The following AP3B2 variants were observed in gnomAD, a reference collection of about 807,000 sequenced individuals.
AP3B2 encodes the protein adaptor related protein complex 3 subunit beta 2.
In AP3B2, 50 loss-of-function variants were observed where a neutral mutation model predicts 126.9. The observed-to-expected ratio is 0.39, with a 90% CI of 0.31 to 0.50. AP3B2 has a LOEUF of 0.50. Among genes scored for constraint, AP3B2 ranks in the 20% least tolerant of loss-of-function variants. AP3B2 has a pLI of 0.79. For missense variants in AP3B2, 1,177 were observed against 1,426.4 expected (o/e 0.83, Z 2.82); for synonymous variants, 541 against 565.0 (o/e 0.96, Z 0.60).
intron 1 of AP3B2, chr15:82,699,375 A>G: frequency 1.0e-5 from 3 of 292,476 alleles, no homozygotes; most frequent in Middle Eastern, 9.4e-4. Context: ...TCAAGGTGGG[A>G]CCTCAACCCT....
Position 82,665,264 on chromosome 15 carries a change from A to G in AP3B2, c.2011T>C (p.Leu671=), listed in dbSNP as rs9806591. ...LSLIETHVGL[L]GEYTEVPEWT... is the part of the protein sequence containing the mutation. ...GGTGGGACCTCAGTGTATTCGCCCA[A>G]CAGGCCCACGTGAGTCTCAATAAGG... The change falls in exon 17 of 27, where the codon TTG becomes CTG. Residue 671 remains leucine (L), a synonymous_variant. Coordinates refer to ENST00000535359, the MANE Select transcript of AP3B2 (RefSeq NM_001278512.2). The surrounding 1 kb of genome is among the most constrained non-coding windows in gnomAD (Gnocchi z 4.4). 0.038 allele frequency: 58,454 copies of G among 1,540,976 alleles called. 1,667 individuals carry two copies. Among genetic ancestry groups the G allele is most frequent in the African/African-American group, 0.13 (9,191 of 73,272 alleles).
chr15:82,707,596 G>C (rs1445504424), intron 1 of AP3B2, among the ~76,000 whole-genome samples: 1 of 149,830 alleles, frequency 6.7e-6, no homozygotes, highest in East Asian at 2.0e-4. Flanking sequence ...CAAACTGCCA[G>C]TCTTAACTCC....
At chr15:82,671,479 C>T (rs1055860103) in intron 14 of AP3B2, among the ~76,000 whole-genome samples, 8 of 152,146 alleles carry the variant, frequency 5.3e-5, no homozygotes, top group African/African-American at 1.7e-4. Flanking sequence ...TGGCTCACAC[C>T]TGTAATCCCA....
In AP3B2 at chr15:82,677,826, C is replaced by G. The variant is rs758327279; in HGVS notation, c.1246-23G>C. 1.0e-5 allele frequency: 16 copies of G among 1,569,540 alleles called. No homozygotes were observed. In the African/African-American group the frequency reaches 2.0e-4, roughly 20 times the overall value. On this transcript the variant is annotated intron_variant, in intron 11 of 26. Coordinates refer to ENST00000535359, the MANE Select transcript of AP3B2 (RefSeq NM_001278512.2). Reference sequence around the variant, plus strand: ...GGTCTGTGGGATATGACAAAGAAATCCCTCAGTGACTCTGCAGGCTTGAGG... The same window carrying G: ...GGTCTGTGGGATATGACAAAGAAATGCCTCAGTGACTCTGCAGGCTTGAGG...
chr15:82,692,179 T>C (rs2151452580), intron 1 of AP3B2: 5 of 1,463,016 alleles, frequency 3.4e-6, no homozygotes, highest in Non-Finnish European at 4.7e-6. Context: ...CTTCCATAAA[T>C]AGCATCCTCT....
chr15:82,681,342 G>T lies in AP3B2; in HGVS notation c.521+78C>A, dbSNP rs2048337446. ...AAACCCTCTGAGAAGCAGCAGGCAA[G>T]ACTTAGGAAAGGCCAGGGGTGGGTT... On this transcript the variant is annotated intron_variant, in intron 5 of 26. Transcript: ENST00000535359. The surrounding 1 kb of genome is among the most constrained non-coding windows in gnomAD (Gnocchi z 4.0). 61 of 1,580,706 alleles carry T rather than the reference G, an allele frequency of 3.9e-5. No homozygotes were observed. In the South Asian group the frequency reaches 7.0e-4, roughly 18 times the overall value.
chr15:82,680,905 C>T lies in AP3B2; in HGVS notation c.703G>A (p.Gly235Ser), dbSNP rs769906805. The T allele has an allele frequency of 1.2e-6, 2 of 1,613,900 alleles. No homozygotes were observed. The highest frequency in any genetic ancestry group is 1.7e-6 in the Non-Finnish European group (2 of 1,179,872). Residue 235 changes from glycine to serine, a missense_variant, in exon 7 of 27, where the codon GGC becomes AGC. Gly to Ser is a moderately conservative substitution (Grantham distance 56, BLOSUM62 0). Around this residue, in one of 5 missense-constraint regions of AP3B2, gnomAD observed 103 missense variants for 101.4 expected, o/e 1.02. Coordinates refer to ENST00000535359, the MANE Select transcript of AP3B2 (RefSeq NM_001278512.2). This position sits in a 1 kb window ranked among gnomAD's most constrained non-coding sequence, Gnocchi z 6.1. ...CNLLIDVEEW[G>S]QVVIISMLTR... Reference sequence around the variant, plus strand: ...AGCATGCTGATGATGACCACCTGGCCCCACTCCTCCACGTCGATCAGCAGG... The same window carrying T: ...AGCATGCTGATGATGACCACCTGGCTCCACTCCTCCACGTCGATCAGCAGG...
At position 82,709,666 on chromosome 15, in the gene AP3B2, G is replaced by A. The variant is rs2048852621; in HGVS notation, c.41C>T (p.Ser14Phe). ...GTACTCGGGCTCCCCGGGGCCAGCG[G>A]AGCCGCCCTTGTCTTCGCTGTAGGC... ...APAYSEDKGG[S>F]AGPGEPEYGH... The change falls in exon 1 of 27, where the codon TCC (serine) becomes TTC (phenylalanine). Residue 14 changes from serine to phenylalanine, a missense_variant. By Grantham distance (155) the Ser-to-Phe change is radical (BLOSUM62 -2). Transcript: ENST00000535359. The A allele has an allele frequency of 1.3e-6, 2 of 1,509,468 alleles. No homozygotes were observed. Among genetic ancestry groups the A allele is most frequent in the South Asian group, 1.2e-5 (1 of 80,864 alleles). 93.5% of individuals were successfully genotyped at this position (1,509,468 alleles called of 1,614,324 possible). A position where few individuals can be genotyped will look rare whatever the true frequency, so the allele number is the denominator to read the frequency against.
rs577824476 is a variant in AP3B2 at position 82,681,717 on chromosome 15, G to A, written c.361-137C>T. 2 of 978,892 alleles carry A rather than the reference G, an allele frequency of 2.0e-6. No homozygotes were observed. The highest frequency in any genetic ancestry group is 3.4e-5 in the South Asian group (2 of 59,284). 60.6% of individuals were successfully genotyped at this position (978,892 alleles called of 1,614,324 possible). On this transcript the variant is annotated intron_variant, in intron 4 of 26. Transcript: ENST00000535359. This position sits in a 1 kb window ranked among gnomAD's most constrained non-coding sequence, Gnocchi z 4.0. ...GCCGCTTGACTGGAGCCTGGATGGTGTGCCAGTGATGGGTATCTGGGGGAC... is the reference window on the plus strand; with the variant it reads ...GCCGCTTGACTGGAGCCTGGATGGTATGCCAGTGATGGGTATCTGGGGGAC...
intron 14 of AP3B2, 40 bp from the exon 15 acceptor site, chr15:82,666,973 T>C (rs746406047): frequency 4.4e-6 from 7 of 1,582,730 alleles, no homozygotes; most frequent in Admixed American, 1.7e-5. Flanking sequence ...GACGGGGGGA[T>C]GGGGACACAG....
At chr15:82,678,977 G>A (rs532464346) in intron 10 of AP3B2, among the ~76,000 whole-genome samples, 2 of 152,292 alleles carry the variant, frequency 1.3e-5, no homozygotes, top group East Asian at 1.9e-4. Flanking sequence ...ATGGGCTCCC[G>A]CCACTTTCCT....
chr15:82,705,325 T>C (rs2048780085), intron 1 of AP3B2, among the ~76,000 whole-genome samples: 2 of 152,168 alleles, frequency 1.3e-5, no homozygotes, highest in Admixed American at 1.3e-4. Context: ...AAACTCTCCT[T>C]ACAATTCCCC....
chr15:82,688,778 G>T lies in AP3B2; in HGVS notation c.318C>A (p.Asp106Glu). 1 of 1,613,184 alleles carries T rather than the reference G, an allele frequency of 6.2e-7. No individual in the cohort carries two copies. The highest frequency in any genetic ancestry group is 1.3e-5 in the African/African-American group (1 of 75,028). ...YLVRYAEEQQ[D>E]LALLSISTFQ... Reference sequence around the variant, plus strand: ...AGGTGGAGATGGACAGCAGGGCCAGGTCTTGCTGCTCCTCAGCGTAGCGTA... The same window carrying T: ...AGGTGGAGATGGACAGCAGGGCCAGTTCTTGCTGCTCCTCAGCGTAGCGTA... Residue 106 changes from aspartate to glutamate, a missense_variant, in exon 4 of 27, where the codon GAC becomes GAA. Physicochemically the swap from Asp to Glu is conservative, Grantham distance 45 (BLOSUM62 2). This residue lies in a region of AP3B2 where 130 missense variants were observed against 262.0 expected (regional missense o/e 0.50). Coordinates refer to ENST00000535359, the MANE Select transcript of AP3B2 (RefSeq NM_001278512.2).
Position 82,659,422 on chromosome 15 carries a change from A to C in AP3B2, c.*138T>G. On this transcript the variant is annotated 3_prime_UTR_variant, in exon 27 of 27. Coordinates refer to ENST00000535359, the MANE Select transcript of AP3B2 (RefSeq NM_001278512.2). Reference sequence around the variant, plus strand: ...GCATTAGGGGAGGGCTTGGTCCTCCAGAGGGAGAGAGGACACCCTGAATGC... The same window carrying C: ...GCATTAGGGGAGGGCTTGGTCCTCCCGAGGGAGAGAGGACACCCTGAATGC... 1 of 1,167,414 alleles carries C rather than the reference A, an allele frequency of 8.6e-7. No homozygotes were observed. Among genetic ancestry groups the C allele is most frequent in the Non-Finnish European group, 1.2e-6 (1 of 823,102 alleles). 72.3% of individuals were successfully genotyped at this position (1,167,414 alleles called of 1,614,324 possible). A position where few individuals can be genotyped will look rare whatever the true frequency, so the allele number is the denominator to read the frequency against.
At chr15:82,687,140 G>A (rs957024157) in intron 4 of AP3B2, 8 of 152,172 alleles carry the variant, frequency 5.3e-5, no homozygotes, top group African/African-American at 2.4e-5. Flanking sequence ...GAAGGAGTGA[G>A]GTCCCTATCA....
In AP3B2 at chr15:82,663,796, C is replaced by G. The variant is rs2048001049; in HGVS notation, c.2436+5G>C. 1 of 1,611,430 alleles carries G rather than the reference C, an allele frequency of 6.2e-7. No individual in the cohort carries two copies. Among genetic ancestry groups the G allele is most frequent in the Non-Finnish European group, 8.5e-7 (1 of 1,178,460 alleles). On this transcript the variant is annotated splice_donor_5th_base_variant and intron_variant, in intron 20 of 26. Coordinates refer to ENST00000535359, the MANE Select transcript of AP3B2 (RefSeq NM_001278512.2). ...CACACCCTGACTCTGCCCCAAGGCT[C>G]TCACTGTTTTCCTGCTCCAGGAGGC... is the stretch of plus-strand genomic sequence containing the variant.
chr15:82,663,323 C>A (rs755601851), intron 21 of AP3B2, 90 bp from the exon 22 acceptor site: 13 of 1,116,880 alleles, frequency 1.2e-5, no homozygotes, highest in African/African-American at 3.1e-5. Flanking sequence ...CGCATTTCAG[C>A]ACCATGGACA....
At chr15:82,697,589 CAAGAAG>C (rs1287282284) in intron 1 of AP3B2, among the ~76,000 whole-genome samples, 2 of 152,158 alleles carry the variant, frequency 1.3e-5, no homozygotes, top group Admixed American at 6.5e-5. Flanking sequence ...TGACGTCAGA[CAAGAAG>C]AGGGGCACTA....
At chr15:82,663,527 C>CT (rs771070029) in intron 21 of AP3B2, 33 bp downstream of exon 21, 1 of 1,609,902 alleles carries the variant, frequency 6.2e-7, no homozygotes, top group Non-Finnish European at 8.5e-7. Flanking sequence ...CCCAGGCCTC[C>CT]TTTCCCCTGT....
Sources: gnomAD v4.1 joint callset for allele counts (sites outside exome capture counted in the v4.1 genomes callset) on GRCh38, gnomAD v4.1.1 for gene constraint, gnomAD v4.1.1 regional missense constraint, Gnocchi (gnomAD v3.1) non-coding constraint, MANE v1.5 for transcripts, NCBI Gene and HGNC (gene_info 2026-07-23, HGNC 2026-07-21) for gene names.